The following VPS13A variants were observed in gnomAD, a reference collection of about 807,000 sequenced individuals.
The protein encoded by VPS13A is vacuolar protein sorting 13 homolog A, also known as intermembrane lipid transfer protein VPS13A.
A neutral mutation model predicts 390.9 loss-of-function variants in VPS13A; 264 were observed. The observed-to-expected ratio is 0.68, with a 90% CI of 0.61 to 0.75. The LOEUF is 0.75. Ranked by LOEUF, VPS13A falls within the 30% of genes least tolerant of loss-of-function variation. The pLI, the probability that VPS13A is intolerant of heterozygous loss-of-function variation, is 0.00. For synonymous variants in VPS13A, 1,231 were observed against 1,227.1 expected, an observed-to-expected ratio of 1.00 and a Z score of -0.07; for missense variants, 3,409 against 3,733.9, an observed-to-expected ratio of 0.91 and a Z score of 2.27.
At chr9:77,303,646 G>A (rs753817009) in intron 34 of VPS13A, among the ~76,000 whole-genome samples, 4 of 152,136 alleles carry the variant, frequency 2.6e-5, no homozygotes, top group Admixed American at 6.5e-5. Flanking sequence ...AATGTAGTAG[G>A]AAAGCAGGGT....
intron 23 of VPS13A, among the ~76,000 whole-genome samples, chr9:77,269,488 AC>A (rs1274089345): frequency 6.6e-6 from 1 of 152,154 alleles, no homozygotes; most frequent in Admixed American, 6.6e-5. Flanking sequence ...TAGTCCTCCA[AC>A]TTTTTGTATT....
chr9:77,405,970 T>C lies in VPS13A; in HGVS notation c.9382T>C (p.Leu3128=), dbSNP rs34255276. The change falls in exon 70 of 72, where the codon TTG becomes CTG. Residue 3128 remains leucine, a synonymous_variant. Coordinates refer to ENST00000360280, the MANE Select transcript of VPS13A (RefSeq NM_033305.3). The part of the protein sequence containing the change: ...KEPFIVHGRR[L]RIEAKERVKS... ...GCCATTCATTGTTCATGGGAGAAGATTGCGCATTGAAGCAAAGGTATGTTG... is the reference window on the plus strand; with the variant it reads ...GCCATTCATTGTTCATGGGAGAAGACTGCGCATTGAAGCAAAGGTATGTTG... The C allele has an allele frequency of 0.024, 39,343 of 1,613,816 alleles. 566 individuals are homozygous for C. Among genetic ancestry groups the C allele is most frequent in the Non-Finnish European group, 0.028 (33,163 of 1,179,918 alleles).
chr9:77,222,899 G>C (rs1823304359), intron 13 of VPS13A, among the ~76,000 whole-genome samples: 1 of 152,206 alleles, frequency 6.6e-6, no homozygotes, highest in South Asian at 2.1e-4. Context: ...GTCTACTCTT[G>C]TGCCAATCAC....
intron 23 of VPS13A, among the ~76,000 whole-genome samples, chr9:77,263,146 G>A (rs957043888): frequency 6.9e-5 from 10 of 144,696 alleles, no homozygotes; most frequent in African/African-American, 2.0e-4. Context: ...TCGCTTTGTC[G>A]CCCAGCCTGG....
Position 77,233,959 on chromosome 9 carries a change from AT to A in VPS13A, c.1596-4041del, listed in dbSNP as rs1486922173. ...TACTTTATTGTTCCTCTGCCTAAAT[AT>A]TCCTCATTTAATGGAAGTGGGAGAT... On this transcript the variant is annotated intron_variant, in intron 17 of 71. Coordinates refer to ENST00000360280, the MANE Select transcript of VPS13A (RefSeq NM_033305.3). Among the ~76,000 whole-genome samples, 4 of 152,162 alleles carry A rather than the reference AT, an allele frequency of 2.6e-5. No homozygotes were observed. In the South Asian group the frequency reaches 8.3e-4, roughly 32 times the overall value.
At chr9:77,244,918 A>G (rs1824717265) in intron 19 of VPS13A, among the ~76,000 whole-genome samples, 2 of 152,218 alleles carry the variant, frequency 1.3e-5, no homozygotes, top group Admixed American at 1.3e-4. Context: ...GCTAAAGGGT[A>G]TAAGAAAGAG....
chr9:77,371,667 A>G (rs1279067710), intron 67 of VPS13A, among the ~76,000 whole-genome samples: 1 of 140,520 alleles, frequency 7.1e-6, no homozygotes, highest in African/African-American at 2.5e-5. Flanking sequence ...TTTTTTTTTT[A>G]TTATTATACT....
chr9:77,397,408 G>A (rs531891579), intron 68 of VPS13A, among the ~76,000 whole-genome samples: 22 of 152,016 alleles, frequency 1.4e-4, no homozygotes, highest in African/African-American at 2.9e-4. Flanking sequence ...TTGTTTTGCC[G>A]AACAACATGT....
rs977566540 is a variant in VPS13A at position 77,205,422 on chromosome 9, A to T, written c.283+14A>T. Reference sequence around the variant, plus strand: ...TGCCTTCTTCTAGTAAGTTAAATTTAAAAAAATTATAATTTAAGTTATTCT... The same window carrying T: ...TGCCTTCTTCTAGTAAGTTAAATTTTAAAAAATTATAATTTAAGTTATTCT... On this transcript the variant is annotated intron_variant, in intron 4 of 71. Coordinates refer to ENST00000360280, the MANE Select transcript of VPS13A (RefSeq NM_033305.3). 19 of 1,206,934 alleles carry T rather than the reference A, an allele frequency of 1.6e-5. No homozygotes were observed. In the East Asian group the frequency reaches 2.4e-4, roughly 15 times the overall value. The allele number at this position is 1,206,934 out of a possible 1,614,324, so 74.8% of individuals were successfully genotyped here. A position where few individuals can be genotyped will look rare whatever the true frequency, so the allele number is the denominator to read the frequency against.
At chr9:77,198,296 G>T (rs1825120030) in intron 1 of VPS13A, among the ~76,000 whole-genome samples, 1 of 152,066 alleles carries the variant, frequency 6.6e-6, no homozygotes, top group African/African-American at 2.4e-5. Context: ...TTTTTTGTCT[G>T]AGAAGTCTCT....
In VPS13A at chr9:77,360,611, G is replaced by A. The variant is rs1485989422; in HGVS notation, c.8181G>A (p.Met2727Ile). ...LGFIYALTDL[M>I]TEAEVTENTE... ...TTATCTATGCTTTAACAGACCTTAT[G>A]ACAGAAGCTGAGGTGACTGAAAATA... The change falls in exon 59 of 72, where the codon ATG becomes ATA. Residue 2727 changes from methionine to isoleucine, a missense_variant. Coordinates refer to ENST00000360280, the MANE Select transcript of VPS13A (RefSeq NM_033305.3). The A allele has an allele frequency of 1.9e-6, 3 of 1,612,798 alleles. No homozygotes were observed.
rs1037839437 is a variant in VPS13A at position 77,381,827 on chromosome 9, A to C, written c.9078-149A>C. On this transcript the variant is annotated intron_variant, in intron 67 of 71. Coordinates refer to ENST00000360280, the MANE Select transcript of VPS13A (RefSeq NM_033305.3). ...TTCTGTATTTTTCTAGAGAACTTAC[A>C]CTGTTTATGTTACAAAAACAATTTA... The C allele has an allele frequency of 6.7e-6, 4 of 599,696 alleles. No homozygotes were observed. In the East Asian group the frequency reaches 8.7e-5, roughly 13 times the overall value. 37.1% of individuals were successfully genotyped at this position (599,696 alleles called of 1,614,324 possible).
At chr9:77,241,133 T>G (rs549936943) in intron 19 of VPS13A, among the ~76,000 whole-genome samples, 1 of 152,274 alleles carries the variant, frequency 6.6e-6, no homozygotes, top group African/African-American at 2.4e-5. Flanking sequence ...TATTCTCTTC[T>G]GGAATTCTGG....
chr9:77,208,445 G>C (rs899981241), intron 5 of VPS13A, among the ~76,000 whole-genome samples: 22 of 152,080 alleles, frequency 1.4e-4, no homozygotes, highest in African/African-American at 4.6e-4. Flanking sequence ...AAAGAATATA[G>C]CTTTCATTGG....
chr9:77,329,736 G>A (rs1020416532), intron 45 of VPS13A, among the ~76,000 whole-genome samples: 1 of 152,120 alleles, frequency 6.6e-6, no homozygotes, highest in African/African-American at 2.4e-5. Flanking sequence ...TGTAAAAAAT[G>A]AAATATCTGC....
intron 1 of VPS13A, among the ~76,000 whole-genome samples, chr9:77,189,543 AG>A (rs2131070559): frequency 6.6e-6 from 1 of 152,160 alleles, no homozygotes; most frequent in East Asian, 1.9e-4. Flanking sequence ...GTGATGCCTC[AG>A]GCTTTATTCT....
Position 77,407,559 on chromosome 9 carries a change from C to T in VPS13A, c.9426C>T (p.Ala3142=). The change falls in exon 71 of 72, where the codon GCC becomes GCT. Residue 3142 remains alanine, a synonymous_variant. Coordinates refer to ENST00000360280, the MANE Select transcript of VPS13A (RefSeq NM_033305.3). ...AACGAGTGAAGTCTGTATTTCATGC[C>T]AGAGAGTTTGGAAAAATAATTAACT... ...AKERVKSVFH[A]REFGKIINFK... The T allele has an allele frequency of 6.2e-7, 1 of 1,612,910 alleles. No homozygotes were observed. The highest frequency in any genetic ancestry group is 1.3e-5 in the African/African-American group (1 of 74,972).
chr9:77,352,650 A>G (rs1267799419), intron 53 of VPS13A, among the ~76,000 whole-genome samples: 3 of 152,172 alleles, frequency 2.0e-5, no homozygotes, highest in African/African-American at 7.2e-5. Context: ...CTTCAGTGAA[A>G]TAAGTTAGTC....
At chr9:77,231,664 G>A (rs1047023947) in intron 17 of VPS13A, among the ~76,000 whole-genome samples, 8 of 152,016 alleles carry the variant, frequency 5.3e-5, no homozygotes, top group African/African-American at 1.9e-4. Flanking sequence ...ACTGTCACCG[G>A]TACATGATTT....
Sources: allele counts gnomAD v4.1 joint callset (sites outside exome capture counted in the v4.1 genomes callset), GRCh38; gene constraint gnomAD v4.1.1; transcripts MANE v1.5; gene names NCBI Gene and HGNC (gene_info 2026-07-23, HGNC 2026-07-21).